The following DLGAP1 variants were observed in gnomAD, a reference collection of about 807,000 sequenced individuals.
The protein encoded by DLGAP1 is DLG associated protein 1, also known as disks large-associated protein 1.
In DLGAP1, 11 loss-of-function variants were observed where a neutral mutation model predicts 90.8. That is an observed-to-expected ratio of 0.12 (90% CI 0.08 to 0.20). The LOEUF (loss-of-function observed/expected upper bound fraction) is 0.20, where lower values mean the gene tolerates loss of function less well. Ranked by LOEUF, DLGAP1 falls within the 10% of genes least tolerant of loss-of-function variation. The probability of loss-of-function intolerance (pLI) is 1.00; values close to 1 mark genes in which losing one functional copy is unlikely to be tolerated. For synonymous variants in DLGAP1, 558 were observed against 540.7 expected (o/e 1.03, Z -0.44); for missense variants, 1,050 against 1,333.8 (o/e 0.79, Z 3.31).
intron 1 of DLGAP1, among the ~76,000 whole-genome samples, chr18:4,269,366 CTT>C (rs2079208234): frequency 1.1e-5 from 1 of 92,106 alleles, no homozygotes; most frequent in African/African-American, 4.0e-5. Context: ...TTTTTTTTTT[CTT>C]TTTGAGACGG....
intron 3 of DLGAP1, among the ~76,000 whole-genome samples, chr18:3,915,915 T>C (rs1389965682): frequency 6.6e-6 from 1 of 152,228 alleles, no homozygotes; most frequent in South Asian, 2.1e-4. Flanking sequence ...GTTCTATTTT[T>C]AATTTTTTGT....
At chr18:4,014,441 T>C (rs530039744) in intron 2 of DLGAP1, among the ~76,000 whole-genome samples, 2 of 152,154 alleles carry the variant, frequency 1.3e-5, no homozygotes, top group African/African-American at 2.4e-5. Context: ...TCAAGGGGTA[T>C]GAAAGTACAG....
intron 7 of DLGAP1, among the ~76,000 whole-genome samples, chr18:3,667,712 TA>T (rs1424877656): frequency 2.0e-5 from 3 of 152,114 alleles, no homozygotes; most frequent in Non-Finnish European, 4.4e-5. Context: ...CCTCTGAGAA[TA>T]TGCTGGGGCC....
intron 1 of DLGAP1, among the ~76,000 whole-genome samples, chr18:4,269,350 A>T (rs1003124970): frequency 0.028 from 3,562 of 126,906 alleles, 79 homozygotes; most frequent in African/African-American, 0.08. Flanking sequence ...ATATATATAT[A>T]TATATTTTTT....
At chr18:3,868,647 T>A (rs946532224) in intron 4 of DLGAP1, among the ~76,000 whole-genome samples, 3 of 152,178 alleles carry the variant, frequency 2.0e-5, no homozygotes, top group Admixed American at 6.5e-5. Context: ...TTTCATTAAA[T>A]GTATTAAACC....
chr18:4,237,383 C>T (rs117707565), intron 1 of DLGAP1, among the ~76,000 whole-genome samples: 3,121 of 152,130 alleles, frequency 0.021, 38 homozygotes, highest in Non-Finnish European at 0.027. Flanking sequence ...TAGAAGCTAA[C>T]GGAGACCCTG....
At chr18:3,740,999 T>TCACCACCACCAC (rs1292391199) in intron 6 of DLGAP1, among the ~76,000 whole-genome samples, 22 of 21,600 alleles carry the variant, frequency 1.0e-3, no homozygotes, top group African/African-American at 5.1e-3. Context: ...CACCATCACC[T>TCACCACCACCAC]CACCACCACC....
chr18:3,831,992 C>A (rs1380252785), intron 4 of DLGAP1, among the ~76,000 whole-genome samples: 1 of 152,148 alleles, frequency 6.6e-6, no homozygotes, highest in Non-Finnish European at 1.5e-5. Context: ...TGGATCTATA[C>A]AAATAGGTTT....
chr18:4,362,494 T>C (rs989202622), intron 1 of DLGAP1, among the ~76,000 whole-genome samples: 1 of 152,200 alleles, frequency 6.6e-6, no homozygotes, highest in Non-Finnish European at 1.5e-5. Flanking sequence ...AAATGCTGTA[T>C]GATTCCATTA....
intron 11 of DLGAP1, among the ~76,000 whole-genome samples, chr18:3,507,254 G>C (rs1479203829): frequency 6.6e-6 from 1 of 152,166 alleles, no homozygotes; most frequent in Non-Finnish European, 1.5e-5. Flanking sequence ...GGGAGGCCAA[G>C]ATGGGAGGAT....
chr18:3,750,676 G>A (rs1172900136), intron 5 of DLGAP1, among the ~76,000 whole-genome samples: 1 of 152,090 alleles, frequency 6.6e-6, no homozygotes, highest in African/African-American at 2.4e-5. Context: ...CTCTCTTACG[G>A]AGGCTCCTTG....
chr18:4,243,028 G>A (rs2078576278), intron 1 of DLGAP1, among the ~76,000 whole-genome samples: 1 of 152,178 alleles, frequency 6.6e-6, no homozygotes. Context: ...GAAAGTGTCA[G>A]AAAGAAAGGG....
chr18:3,827,065 A>G (rs562561330), intron 4 of DLGAP1, among the ~76,000 whole-genome samples: 1 of 152,278 alleles, frequency 6.6e-6, no homozygotes, highest in South Asian at 2.1e-4. Context: ...CAGGATGGAA[A>G]TTAGGAGTTC....
At chr18:3,750,783 G>A (rs781693980) in intron 5 of DLGAP1, among the ~76,000 whole-genome samples, 11 of 152,060 alleles carry the variant, frequency 7.2e-5, no homozygotes, top group East Asian at 1.9e-4. Flanking sequence ...GCATGCCCTC[G>A]CAAGTTTCAT....
chr18:3,826,378 G>C (rs1057241341), intron 4 of DLGAP1, among the ~76,000 whole-genome samples: 1 of 152,176 alleles, frequency 6.6e-6, no homozygotes, highest in Non-Finnish European at 1.5e-5. Flanking sequence ...AAAAATGAAA[G>C]CAGGAAAGGG....
At chr18:4,002,426 A>G (rs1555722649) in intron 3 of DLGAP1, among the ~76,000 whole-genome samples, 1 of 152,124 alleles carries the variant, frequency 6.6e-6, no homozygotes, top group Non-Finnish European at 1.5e-5. Flanking sequence ...GCAAGACCAG[A>G]CCCATCTCTT....
chr18:3,596,308 C>T (rs952000450), intron 7 of DLGAP1, among the ~76,000 whole-genome samples: 200 of 152,102 alleles, frequency 1.3e-3, no homozygotes, highest in African/African-American at 4.7e-3. Context: ...TACAGCCGCC[C>T]GCCACCATGC....
At chr18:3,542,808 A>G (rs942085115) in intron 9 of DLGAP1, among the ~76,000 whole-genome samples, 4 of 152,326 alleles carry the variant, frequency 2.6e-5, no homozygotes, top group Admixed American at 2.0e-4. Flanking sequence ...ACTTTAGGAA[A>G]CGTAGCCGAG....
At chr18:3,785,203 CCA>C (rs372218354) in intron 5 of DLGAP1, among the ~76,000 whole-genome samples, 174 of 152,234 alleles carry the variant, frequency 1.1e-3, no homozygotes, top group African/African-American at 3.3e-3. Flanking sequence ...CTTAGAAAAC[CCA>C]CAGAGTTATT....
Sources: allele counts gnomAD v4.1 joint callset (sites outside exome capture counted in the v4.1 genomes callset), GRCh38; gene constraint gnomAD v4.1.1; transcripts MANE v1.5; gene names NCBI Gene and HGNC (gene_info 2026-07-23, HGNC 2026-07-21).